Variants in AGBL4 observed in about 807,000 individuals in gnomAD.
AGBL4 encodes AGBL carboxypeptidase 4.
AGBL4 carries 58 observed loss-of-function variants against 66.4 expected under a neutral mutation model. The ratio of observed to expected loss-of-function variants is 0.87; its 90% CI spans 0.71 to 1.09. The LOEUF is 1.09. Ranked by LOEUF, AGBL4 falls within the 50% of genes least tolerant of loss-of-function variation. The pLI is 0.00. For synonymous variants in AGBL4, 234 were observed against 222.9 expected, an observed-to-expected ratio of 1.05 and a Z score of -0.44; for missense variants, 579 against 631.0, an observed-to-expected ratio of 0.92 and a Z score of 0.88.
At chr1:49,913,545 A>C (rs1651070668) in intron 1 of AGBL4, among the ~76,000 whole-genome samples, 1 of 152,218 alleles carries the variant, frequency 6.6e-6, no homozygotes, top group South Asian at 2.1e-4. Flanking sequence ...TCATGCCTGC[A>C]GCTCTCTCAT....
At chr1:49,123,898 T>C (rs949896731) in intron 4 of AGBL4, among the ~76,000 whole-genome samples, 2 of 152,206 alleles carry the variant, frequency 1.3e-5, no homozygotes, top group Non-Finnish European at 2.9e-5. Flanking sequence ...GCTTCTTCTT[T>C]TTCCTACTCT....
At chr1:49,959,930 A>C (rs1408000925) in intron 1 of AGBL4, among the ~76,000 whole-genome samples, 8 of 151,906 alleles carry the variant, frequency 5.3e-5, no homozygotes, top group African/African-American at 1.9e-4. Flanking sequence ...AAAACCAAAC[A>C]CTGTATGTTC....
chr1:48,875,847 A>G (rs1187311999), intron 5 of AGBL4, among the ~76,000 whole-genome samples: 1 of 152,192 alleles, frequency 6.6e-6, no homozygotes, highest in African/African-American at 2.4e-5. Context: ...AACTTGCTCA[A>G]GGTCACAGCT....
chr1:49,599,496 C>A (rs182481827), intron 3 of AGBL4, among the ~76,000 whole-genome samples: 8 of 151,662 alleles, frequency 5.3e-5, no homozygotes, highest in East Asian at 1.9e-4. Context: ...TTTATTGATT[C>A]TTCTCTCTTT....
chr1:48,888,093 C>A (rs2148851959), intron 5 of AGBL4, among the ~76,000 whole-genome samples: 1 of 152,228 alleles, frequency 6.6e-6, no homozygotes, highest in Non-Finnish European at 1.5e-5. Context: ...AGCATCAGAA[C>A]CAAATTTACA....
Position 49,245,820 on chromosome 1 carries a change from G to T in AGBL4, c.327C>A (p.Leu109=). The change falls in exon 4 of 14, where the codon CTC becomes CTA. Residue 109 remains leucine (L), a synonymous_variant. Transcript: ENST00000371839. The stretch of plus-strand genomic sequence containing the variant: ...CCATAGGGGCCATCCCATCTCTATA[G>T]AGACTCTTGGTTTTACTGAAGTTAA... ...NIVNFSKTKS[L]YRDGMAPMVK... is the part of the protein sequence containing the mutation. The T allele has an allele frequency of 6.5e-7, 1 of 1,549,754 alleles. No homozygotes were observed. The highest frequency in any genetic ancestry group is 8.7e-7 in the Non-Finnish European group (1 of 1,145,600).
chr1:49,921,224 G>A (rs568355395), intron 1 of AGBL4, among the ~76,000 whole-genome samples: 74 of 150,188 alleles, frequency 4.9e-4, no homozygotes, highest in African/African-American at 1.6e-3. Flanking sequence ...ATGTACCCTA[G>A]AACTCAAAGT....
intron 8 of AGBL4, among the ~76,000 whole-genome samples, chr1:48,648,956 C>T (rs945438104): frequency 1.3e-5 from 2 of 152,320 alleles, no homozygotes; most frequent in Admixed American, 6.5e-5. Context: ...CTACACTGGG[C>T]ACTGTAGCTT....
chr1:49,965,366 A>G (rs1657468429), intron 1 of AGBL4, among the ~76,000 whole-genome samples: 1 of 152,232 alleles, frequency 6.6e-6, no homozygotes, highest in Non-Finnish European at 1.5e-5. Flanking sequence ...GCTACAGGAA[A>G]GCAGAGAGCT....
intron 5 of AGBL4, among the ~76,000 whole-genome samples, chr1:49,001,001 C>T (rs946813071): frequency 5.3e-5 from 8 of 152,178 alleles, no homozygotes; most frequent in African/African-American, 1.7e-4. Context: ...GAGTGCCGGG[C>T]TCTTTCAACC....
intron 4 of AGBL4, among the ~76,000 whole-genome samples, chr1:49,049,492 G>C (rs969752480): frequency 1.3e-5 from 2 of 151,862 alleles, no homozygotes; most frequent in African/African-American, 2.4e-5. Context: ...CAAAGAGTAG[G>C]CTTCTTGAAA....
At chr1:49,504,195 C>T (rs532126431) in intron 3 of AGBL4, among the ~76,000 whole-genome samples, 98 of 152,160 alleles carry the variant, frequency 6.4e-4, no homozygotes, top group Non-Finnish European at 1.0e-3. Flanking sequence ...GCACTCACTT[C>T]GTCCTTTCAC....
chr1:49,518,806 A>G (rs1466283712), intron 3 of AGBL4, among the ~76,000 whole-genome samples: 1 of 152,082 alleles, frequency 6.6e-6, no homozygotes. Context: ...ATGCAATTGT[A>G]TTACTTTTTA....
chr1:48,786,205 AT>A (rs1281622181), intron 6 of AGBL4, among the ~76,000 whole-genome samples: 1 of 152,226 alleles, frequency 6.6e-6, no homozygotes, highest in Non-Finnish European at 1.5e-5. Context: ...AGAACTAATG[AT>A]TATTGATTTC....
At chr1:49,679,440 C>G (rs1033069914) in intron 3 of AGBL4, among the ~76,000 whole-genome samples, 1 of 151,942 alleles carries the variant, frequency 6.6e-6, no homozygotes, top group Non-Finnish European at 1.5e-5. Flanking sequence ...TTCAATCTAT[C>G]TATATAATAA....
chr1:48,757,947 A>G (rs895097333), intron 6 of AGBL4, among the ~76,000 whole-genome samples: 1 of 152,172 alleles, frequency 6.6e-6, no homozygotes, highest in African/African-American at 2.4e-5. Context: ...ACTGGGCTCT[A>G]TCTTTTACAG....
chr1:49,104,078 T>C (rs1358594637), intron 4 of AGBL4, among the ~76,000 whole-genome samples: 1 of 152,294 alleles, frequency 6.6e-6, no homozygotes, highest in South Asian at 2.1e-4. Flanking sequence ...CTCCAAACCA[T>C]GGCTCATCCT....
chr1:48,535,107 G>C (rs750376461), intron 12 of AGBL4, among the ~76,000 whole-genome samples, 191 bp from the exon 13 acceptor site: 8 of 152,110 alleles, frequency 5.3e-5, no homozygotes, highest in Non-Finnish European at 8.8e-5. Flanking sequence ...GGCAGCCATG[G>C]GGGGATAGTG....
intron 6 of AGBL4, chr1:48,776,938 CG>C (rs1645129412): frequency 8.9e-6 from 2 of 225,076 alleles, no homozygotes; most frequent in Non-Finnish European, 7.7e-6. Context: ...CTGGGGGGGG[CG>C]GGGGCGGCTC....
Sources: allele counts gnomAD v4.1 joint callset (sites outside exome capture counted in the v4.1 genomes callset), GRCh38; gene constraint gnomAD v4.1.1; transcripts MANE v1.5; gene names NCBI Gene and HGNC (gene_info 2026-07-23, HGNC 2026-07-21).